Variants in SGK2 observed in about 807,000 individuals in gnomAD.
SGK2 encodes serum/glucocorticoid regulated kinase 2.
A neutral mutation model predicts 47.5 loss-of-function variants in SGK2; 36 were observed. That is an observed-to-expected ratio of 0.76 (90% CI 0.58 to 1.00). The LOEUF (loss-of-function observed/expected upper bound fraction) is 1.00. Ranked by LOEUF, SGK2 falls within the 50% of genes least tolerant of loss-of-function variation. The probability of loss-of-function intolerance (pLI) is 0.00; values close to 1 mark genes in which losing one functional copy is unlikely to be tolerated. For synonymous variants in SGK2, 157 were observed against 181.9 expected, an observed-to-expected ratio of 0.86 and a Z score of 1.10; for missense variants, 404 against 467.4, an observed-to-expected ratio of 0.86 and a Z score of 1.25.
chr20:43,568,230 C>T (rs1472010279), intron 5 of SGK2, among the ~76,000 whole-genome samples: 1 of 152,200 alleles, frequency 6.6e-6, no homozygotes, highest in Non-Finnish European at 1.5e-5. Flanking sequence ...TTTGCCTTCC[C>T]CTGGGAAACA....
Position 43,567,136 on chromosome 20 carries a change from A to G in SGK2, c.86+19A>G. 4 of 1,610,670 alleles carry G rather than the reference A, an allele frequency of 2.5e-6. No individual in the cohort carries two copies. Among genetic ancestry groups the G allele is most frequent in the African/African-American group, 1.3e-5 (1 of 74,992 alleles). ...ACCCAAAGTGAGTTCTGGTCCCTCA[A>G]GCACCTTTCCTACTTGACTCCCCTC... is the stretch of plus-strand genomic sequence containing the variant. On this transcript the variant is annotated intron_variant, in intron 3 of 12. Coordinates refer to ENST00000373100, the MANE Select transcript of SGK2 (RefSeq NM_170693.3).
At position 43,580,006 on chromosome 20, in the gene SGK2, T is replaced by C; in HGVS notation, c.884T>C (p.Ile295Thr). 1.2e-6 allele frequency: 2 copies of C among 1,613,240 alleles called. No homozygotes were observed. Among genetic ancestry groups the C allele is most frequent in the Non-Finnish European group, 1.7e-6 (2 of 1,179,510 alleles). Reference protein sequence around the residue: ...EIKNHVFFSPINWDDLYHKRL... With the variant: ...EIKNHVFFSPTNWDDLYHKRL... ...AAGAACCATGTATTCTTCAGCCCCA[T>C]AAACTGGGATGACCTGTACCACAAG... The change falls in exon 12 of 13, where the codon ATA becomes ACA. Residue 295 changes from isoleucine to threonine, a missense_variant. Transcript: ENST00000373100.
Position 43,572,567 on chromosome 20 carries a change from C to T in SGK2, c.597+430C>T, listed in dbSNP as rs1980207772. On this transcript the variant is annotated intron_variant, in intron 9 of 12. Coordinates refer to ENST00000373100, the MANE Select transcript of SGK2 (RefSeq NM_170693.3). The surrounding 1 kb of genome is among the most constrained non-coding windows in gnomAD (Gnocchi z 4.2). The stretch of plus-strand genomic sequence containing the variant: ...TGACGGGCACCTATAGTCCCAGCTA[C>T]TCGGGAGGCTGAGGCAGGAGAATCG... 6.6e-6 allele frequency among the ~76,000 whole-genome samples: 1 copy of T among 152,132 alleles called. No homozygotes were observed. Among genetic ancestry groups the T allele is most frequent in the African/African-American group, 2.4e-5 (1 of 41,414 alleles).
intron 1 of SGK2, 36 bp from the exon 2 acceptor site, chr20:43,566,437 C>T (rs1348048328): frequency 6.2e-7 from 1 of 1,614,036 alleles, no homozygotes; most frequent in East Asian, 2.2e-5. Context: ...CCCCCAACAC[C>T]AACTCTCTCA....
intron 1 of SGK2, among the ~76,000 whole-genome samples, chr20:43,563,959 C>T (rs571331219): frequency 6.6e-6 from 1 of 152,320 alleles, no homozygotes; most frequent in South Asian, 2.1e-4. Context: ...GGCTCAGTTC[C>T]CTCCCTGACC....
In SGK2 at chr20:43,572,235, T is replaced by C; in HGVS notation, c.597+98T>C. On this transcript the variant is annotated intron_variant, in intron 9 of 12. Coordinates refer to ENST00000373100, the MANE Select transcript of SGK2 (RefSeq NM_170693.3). The surrounding 1 kb of genome is among the most constrained non-coding windows in gnomAD (Gnocchi z 4.2). ...GTTACAGTGAAGGGGACTCACTCCT[T>C]TGACCCAAACACTTCTCCTGAGTGG... The C allele has an allele frequency of 1.1e-6, 1 of 891,740 alleles. No individual in the cohort carries two copies. The highest frequency in any genetic ancestry group is 1.5e-5 in the South Asian group (1 of 66,468). The allele number at this position is 891,740 out of a possible 1,614,324, so 55.2% of individuals were successfully genotyped here. A position where few individuals can be genotyped will look rare whatever the true frequency, so the allele number is the denominator to read the frequency against.
chr20:43,561,679 G>A (rs3135414), intron 1 of SGK2, among the ~76,000 whole-genome samples: 132,838 of 152,094 alleles, frequency 0.87, 58,385 homozygotes, highest in African/African-American at 0.97. Context: ...GAGCCACCGC[G>A]CCCAGCTGAG....
In SGK2 at chr20:43,585,093, TCAAA is replaced by T. The variant is rs1322394440; in HGVS notation, c.*79_*82del. ...ACCTTCAGCTGCTAGGAAGAGCGAC[TCAAA>T]CTAACAATGGCTTCAACGAGAAGCA... On this transcript the variant is annotated 3_prime_UTR_variant, in exon 13 of 13. Transcript: ENST00000373100. 2.9e-6 allele frequency: 4 copies of T among 1,367,490 alleles called. No individual in the cohort carries two copies. Among genetic ancestry groups the T allele is most frequent in the Non-Finnish European group, 4.0e-6 (4 of 993,654 alleles). The allele number at this position is 1,367,490 out of a possible 1,614,324, so 84.7% of individuals were successfully genotyped here.
chr20:43,584,709 T>C (rs746664167), intron 12 of SGK2, 143 bp from the exon 13 acceptor site: 9 of 673,556 alleles, frequency 1.3e-5, no homozygotes, highest in Non-Finnish European at 2.4e-5. Context: ...TCAATGTAAA[T>C]GCACAGGAAA....
chr20:43,584,015 G>A (rs1388549911), intron 12 of SGK2, among the ~76,000 whole-genome samples: 1 of 151,886 alleles, frequency 6.6e-6, no homozygotes, highest in African/African-American at 2.4e-5. Flanking sequence ...TTAAGTCTGA[G>A]TCAGGCCAGC....
At chr20:43,563,203 C>T (rs72626511) in intron 1 of SGK2, among the ~76,000 whole-genome samples, 10,570 of 150,744 alleles carry the variant, frequency 0.07, 679 homozygotes, top group African/African-American at 0.17. Context: ...GGTTAAACCA[C>T]TAAAATGGTA....
chr20:43,572,091 G>C lies in SGK2; in HGVS notation c.551G>C (p.Gly184Ala). ...VLTDFGLCKE[G>A]VEPEDTTSTF... ...ACGGATTTTGGCCTCTGCAAGGAAG[G>C]TGTAGAGCCTGAAGACACCACATCC... Residue 184 changes from glycine (G) to alanine (A), a missense_variant, in exon 9 of 13, where the codon GGT becomes GCT. Transcript: ENST00000373100. This position sits in a 1 kb window ranked among gnomAD's most constrained non-coding sequence, Gnocchi z 4.2. The C allele has an allele frequency of 6.4e-7, 1 of 1,550,424 alleles. No individual in the cohort carries two copies.
At chr20:43,580,998 C>T (rs1329320729) in intron 12 of SGK2, among the ~76,000 whole-genome samples, 3 of 151,874 alleles carry the variant, frequency 2.0e-5, no homozygotes, top group African/African-American at 7.3e-5. Context: ...GCCTCAGCCT[C>T]CTGAGTAGCT....
intron 1 of SGK2, among the ~76,000 whole-genome samples, chr20:43,560,385 G>A (rs1979308866): frequency 6.6e-6 from 1 of 151,778 alleles, no homozygotes; most frequent in Non-Finnish European, 1.5e-5. Context: ...CGTAATCCCA[G>A]CTATTTGGGA....
chr20:43,580,999 C>T (rs1033900712), intron 12 of SGK2, among the ~76,000 whole-genome samples: 1 of 151,944 alleles, frequency 6.6e-6, no homozygotes, highest in African/African-American at 2.4e-5. Context: ...CCTCAGCCTC[C>T]TGAGTAGCTG....
intron 9 of SGK2, among the ~76,000 whole-genome samples, chr20:43,573,310 G>A (rs1416700841): frequency 1.3e-5 from 2 of 152,146 alleles, no homozygotes; most frequent in African/African-American, 4.8e-5. Context: ...CCAACATGGC[G>A]AAACCCCGTC....
chr20:43,562,550 G>C (rs1486638471), intron 1 of SGK2, among the ~76,000 whole-genome samples: 1 of 151,658 alleles, frequency 6.6e-6, no homozygotes, highest in African/African-American at 2.4e-5. Context: ...AGACCAGCCT[G>C]GCCAACATGG....
chr20:43,566,282 C>G, intron 1 of SGK2, 191 bp from the exon 2 acceptor site: 1 of 1,509,852 alleles, frequency 6.6e-7, no homozygotes, highest in Non-Finnish European at 9.1e-7. Flanking sequence ...GTTAGGAAGT[C>G]TGGGTCCAGG....
At chr20:43,561,340 G>A (rs1377787132) in intron 1 of SGK2, among the ~76,000 whole-genome samples, 1 of 151,638 alleles carries the variant, frequency 6.6e-6, no homozygotes, top group African/African-American at 2.4e-5. Context: ...GATGGAGACA[G>A]CAAGCTAGGT....
Sources: allele counts gnomAD v4.1 joint callset (sites outside exome capture counted in the v4.1 genomes callset), GRCh38; gene constraint gnomAD v4.1.1; non-coding constraint Gnocchi (gnomAD v3.1); transcripts MANE v1.5; gene names NCBI Gene and HGNC (gene_info 2026-07-23, HGNC 2026-07-21).